The following MYRIP variants were observed in gnomAD, a reference collection of about 807,000 sequenced individuals.
The protein encoded by MYRIP is myosin VIIA and Rab interacting protein, also known as rab effector MyRIP.
In MYRIP, 49 loss-of-function variants were observed where a neutral mutation model predicts 98.0. The ratio of observed to expected loss-of-function variants is 0.50; its 90% CI spans 0.40 to 0.63. The LOEUF (loss-of-function observed/expected upper bound fraction) is 0.63, where lower values mean the gene tolerates loss of function less well. MYRIP is among the 30% of genes least tolerant of loss of function. The pLI is 0.00. For missense variants in MYRIP, 1,004 were observed against 1,058.2 expected, an observed-to-expected ratio of 0.95 and a Z score of 0.71; for synonymous variants, 404 against 409.5, an observed-to-expected ratio of 0.99 and a Z score of 0.16.
chr3:40,190,226 G>C lies in MYRIP; in HGVS notation c.1428G>C (p.Gln476His). ...ACCAGGCCAGACTGTCCTGGTTGCA[G>C]AGGAAGGCCCCCAGGAACCCTGCAG... ...VGHQARLSWL[Q>H]RKAPRNPAAE... Residue 476 changes from glutamine (Q) to histidine (H), a missense_variant, in exon 10 of 17, where the codon CAG becomes CAC. By Grantham distance (24) the Gln-to-His change is conservative. Coordinates refer to ENST00000302541, the MANE Select transcript of MYRIP (RefSeq NM_015460.4). 2 of 1,614,120 alleles carry C rather than the reference G, an allele frequency of 1.2e-6. No homozygotes were observed. Among genetic ancestry groups the C allele is most frequent in the Non-Finnish European group, 1.7e-6 (2 of 1,180,022 alleles).
intron 11 of MYRIP, among the ~76,000 whole-genome samples, chr3:40,222,320 G>T (rs1952360101): frequency 6.6e-6 from 1 of 152,124 alleles, no homozygotes; most frequent in Non-Finnish European, 1.5e-5. Context: ...GAAAAGGGGT[G>T]GTAACCTCCG....
intron 1 of MYRIP, among the ~76,000 whole-genome samples, chr3:39,830,069 C>G (rs1375499389): frequency 6.6e-6 from 1 of 152,188 alleles, no homozygotes; most frequent in African/African-American, 2.4e-5. Context: ...CTAACCCTCT[C>G]TCTCTGACTT....
At chr3:40,000,890 G>T (rs989533041) in intron 2 of MYRIP, among the ~76,000 whole-genome samples, 1 of 152,074 alleles carries the variant, frequency 6.6e-6, no homozygotes, top group Non-Finnish European at 1.5e-5. Context: ...AACATGCTAG[G>T]TTACCTTCTC....
chr3:39,989,681 G>A (rs1345888114), intron 2 of MYRIP, among the ~76,000 whole-genome samples: 1 of 152,202 alleles, frequency 6.6e-6, no homozygotes, highest in Non-Finnish European at 1.5e-5. Flanking sequence ...CTCAGGCCCA[G>A]GGAGATCAGA....
intron 2 of MYRIP, among the ~76,000 whole-genome samples, chr3:39,911,903 T>G (rs1944029100): frequency 6.6e-6 from 1 of 152,340 alleles, no homozygotes; most frequent in South Asian, 2.1e-4. Context: ...ATCCACCTCC[T>G]GGTCCGTTTC....
intron 2 of MYRIP, among the ~76,000 whole-genome samples, chr3:39,939,234 C>T (rs1390678820): frequency 1.3e-5 from 2 of 152,160 alleles, no homozygotes; most frequent in Admixed American, 6.5e-5. Flanking sequence ...TCCTTGTCTT[C>T]TGTGGCCAAC....
intron 13 of MYRIP, among the ~76,000 whole-genome samples, chr3:40,245,113 A>T (rs1953148756): frequency 6.6e-6 from 1 of 152,220 alleles, no homozygotes. Flanking sequence ...AATGAAGGAA[A>T]TTGGAAGCAT....
At chr3:39,995,196 T>C (rs968362869) in intron 2 of MYRIP, among the ~76,000 whole-genome samples, 5 of 152,084 alleles carry the variant, frequency 3.3e-5, no homozygotes, top group African/African-American at 1.2e-4. Flanking sequence ...AGAATGACTT[T>C]GACAAGTTGA....
At chr3:39,964,586 C>T (rs749287396) in intron 2 of MYRIP, among the ~76,000 whole-genome samples, 5 of 152,062 alleles carry the variant, frequency 3.3e-5, no homozygotes, top group African/African-American at 7.2e-5. Context: ...AGTCTTGTTT[C>T]GATGTTAAAC....
chr3:40,045,762 G>A (rs1176853649), intron 3 of MYRIP, among the ~76,000 whole-genome samples: 1 of 152,096 alleles, frequency 6.6e-6, no homozygotes, highest in Non-Finnish European at 1.5e-5. Context: ...CCACAGATTG[G>A]GAGTTTCGTG....
At chr3:39,989,290 G>T (rs1946111895) in intron 2 of MYRIP, among the ~76,000 whole-genome samples, 1 of 152,120 alleles carries the variant, frequency 6.6e-6, no homozygotes, top group African/African-American at 2.4e-5. Flanking sequence ...TCCCTCTTCT[G>T]TAGGGCTGCT....
intron 1 of MYRIP, among the ~76,000 whole-genome samples, chr3:39,883,666 G>C (rs926314935): frequency 6.6e-5 from 10 of 151,866 alleles, no homozygotes; most frequent in African/African-American, 2.4e-4. Flanking sequence ...AGAAAATTTA[G>C]AGTTGAAAAA....
At chr3:39,850,076 G>A (rs1942083414) in intron 1 of MYRIP, among the ~76,000 whole-genome samples, 1 of 152,200 alleles carries the variant, frequency 6.6e-6, no homozygotes, top group African/African-American at 2.4e-5. Flanking sequence ...CAGAGAGTAT[G>A]AGTGTGTGTC....
intron 2 of MYRIP, among the ~76,000 whole-genome samples, chr3:39,957,730 A>G (rs1269892272): frequency 6.6e-6 from 1 of 152,178 alleles, no homozygotes; most frequent in African/African-American, 2.4e-5. Flanking sequence ...AAAAGGAGGA[A>G]GTCAAATTGT....
intron 2 of MYRIP, among the ~76,000 whole-genome samples, chr3:39,932,563 G>A (rs770449333): frequency 1.6e-4 from 25 of 151,682 alleles, no homozygotes; most frequent in Non-Finnish European, 3.4e-4. Flanking sequence ...TTTGGTTTTT[G>A]TTTAGTAGAG....
intron 1 of MYRIP, among the ~76,000 whole-genome samples, chr3:39,860,721 A>T (rs1942443390): frequency 1.3e-5 from 2 of 152,080 alleles, no homozygotes; most frequent in African/African-American, 4.8e-5. Context: ...TGCCCCAACT[A>T]CAGCCTCCTC....
At chr3:40,150,980 T>C in intron 3 of MYRIP, 68 bp from the exon 4 acceptor site, 2 of 1,392,622 alleles carry the variant, frequency 1.4e-6, no homozygotes, top group Middle Eastern at 4.8e-4. Flanking sequence ...CTGTGAAGCA[T>C]TGCAGCAGTT....
intron 1 of MYRIP, among the ~76,000 whole-genome samples, chr3:39,832,744 T>C (rs1169583565): frequency 1.3e-5 from 2 of 152,190 alleles, no homozygotes; most frequent in Non-Finnish European, 2.9e-5. Context: ...AGTAGGAATG[T>C]TGTCCTCTAT....
chr3:39,883,267 G>C (rs1357503990), intron 1 of MYRIP, among the ~76,000 whole-genome samples: 1 of 152,206 alleles, frequency 6.6e-6, no homozygotes, highest in Non-Finnish European at 1.5e-5. Flanking sequence ...TGGAAGGCCT[G>C]TGCAGGAACT....
Sources: gnomAD v4.1 joint callset for allele counts (sites outside exome capture counted in the v4.1 genomes callset) on GRCh38, gnomAD v4.1.1 for gene constraint, MANE v1.5 for transcripts, NCBI Gene and HGNC (gene_info 2026-07-23, HGNC 2026-07-21) for gene names.